The following OTUD7A variants were observed in gnomAD, a reference collection of about 807,000 sequenced individuals.
OTUD7A encodes the protein OTU domain-containing protein 7A.
A neutral mutation model predicts 65.7 loss-of-function variants in OTUD7A; 12 were observed. That is an observed-to-expected ratio of 0.18 (90% CI 0.12 to 0.30). The LOEUF (loss-of-function observed/expected upper bound fraction) is 0.30. Ranked by LOEUF, OTUD7A falls within the 10% of genes least tolerant of loss-of-function variation. OTUD7A has a pLI of 1.00. For synonymous variants in OTUD7A, 641 were observed against 586.3 expected (o/e 1.09, Z -1.35); for missense variants, 1,148 against 1,304.8 (o/e 0.88, Z 1.85).
chr15:31,709,860 T>C (rs998434122), intron 1 of OTUD7A, among the ~76,000 whole-genome samples: 2 of 152,152 alleles, frequency 1.3e-5, no homozygotes, highest in African/African-American at 2.4e-5. Flanking sequence ...CAAGTGTGTG[T>C]GTATCTGGGA....
At chr15:31,829,425 G>C (rs1995445) in intron 1 of OTUD7A, among the ~76,000 whole-genome samples, 88,435 of 152,080 alleles carry the variant, frequency 0.58, 26,174 homozygotes, top group East Asian at 0.69. Context: ...GCCATCTTTC[G>C]TCTTGGTTCC....
At chr15:31,599,875 C>T (rs190661215) in intron 3 of OTUD7A, among the ~76,000 whole-genome samples, 190 of 151,590 alleles carry the variant, frequency 1.3e-3, no homozygotes, top group African/African-American at 4.2e-3. Context: ...GTCGATCAAG[C>T]GGAAGAAAGG....
At chr15:31,492,579 T>A in intron 10 of OTUD7A, among the ~76,000 whole-genome samples, 1 of 83,702 alleles carries the variant, frequency 1.2e-5, no homozygotes. Flanking sequence ...TGAGACTCTG[T>A]CTCAAAAAAA....
chr15:31,835,848 T>A (rs117568377), intron 1 of OTUD7A, among the ~76,000 whole-genome samples: 1 of 151,954 alleles, frequency 6.6e-6, no homozygotes, highest in Non-Finnish European at 1.5e-5. Context: ...GGGTTGAGTA[T>A]CCCTTATCCA....
chr15:31,837,702 A>G (rs1182181409), intron 1 of OTUD7A, among the ~76,000 whole-genome samples: 1 of 152,266 alleles, frequency 6.6e-6, no homozygotes, highest in Non-Finnish European at 1.5e-5. Flanking sequence ...ATGACTCAAC[A>G]TAATAAAGAT....
chr15:31,657,295 T>C (rs1256933847), intron 1 of OTUD7A, among the ~76,000 whole-genome samples: 1 of 152,152 alleles, frequency 6.6e-6, no homozygotes, highest in Admixed American at 6.5e-5. Context: ...TTCCTCGTTT[T>C]AGCAAGCACA....
intron 1 of OTUD7A, among the ~76,000 whole-genome samples, chr15:31,828,158 C>T (rs1331368622): frequency 1.3e-5 from 2 of 152,136 alleles, no homozygotes; most frequent in East Asian, 3.9e-4. Context: ...TCTGAGTCTT[C>T]CTCCTATGCT....
intron 1 of OTUD7A, among the ~76,000 whole-genome samples, chr15:31,848,579 G>A (rs983174560): frequency 2.6e-5 from 4 of 152,226 alleles, no homozygotes; most frequent in East Asian, 1.9e-4. Flanking sequence ...TTTGCCCTCC[G>A]GCCTTCCCAA....
intron 3 of OTUD7A, among the ~76,000 whole-genome samples, chr15:31,595,434 G>T (rs959119989): frequency 1.3e-5 from 2 of 152,160 alleles, no homozygotes; most frequent in Non-Finnish European, 2.9e-5. Context: ...TTTGTACATG[G>T]TAGAATGAAT....
At chr15:31,791,687 T>C (rs900700843) in intron 1 of OTUD7A, among the ~76,000 whole-genome samples, 3 of 152,110 alleles carry the variant, frequency 2.0e-5, no homozygotes, top group Admixed American at 2.0e-4. Flanking sequence ...ATTCATGAAG[T>C]GTATTTTATA....
chr15:31,621,067 T>C (rs1595662757), intron 3 of OTUD7A, among the ~76,000 whole-genome samples: 1 of 150,080 alleles, frequency 6.7e-6, no homozygotes, highest in African/African-American at 2.5e-5. Context: ...TTCCATGTAG[T>C]TGAGCGGTTT....
At position 31,670,110 on chromosome 15, in the gene OTUD7A, G is replaced by T. The variant is rs1892442930; in HGVS notation, c.-99-13033C>A. Reference sequence around the variant, plus strand: ...CTGGAGCTAAAAATTCACGATGCAAGCCTCGGAATGCTGCTGTGTCCATCT... The same window carrying T: ...CTGGAGCTAAAAATTCACGATGCAATCCTCGGAATGCTGCTGTGTCCATCT... On this transcript the variant is annotated intron_variant, in intron 1 of 12. Transcript: ENST00000307050. Among the ~76,000 whole-genome samples the T allele has an allele frequency of 3.4e-5, 5 of 148,276 alleles. No homozygotes were observed. In the South Asian group the frequency reaches 1.1e-3, roughly 32 times the overall value.
chr15:31,735,533 C>CAAAAAAAAAAA (rs71113418), intron 1 of OTUD7A, among the ~76,000 whole-genome samples: 1 of 134,688 alleles, frequency 7.4e-6, no homozygotes, highest in Non-Finnish European at 1.6e-5. Flanking sequence ...AACTCTGTCT[C>CAAAAAAAAAAA]AAAAAAAAAA....
At chr15:31,564,934 C>A (rs1888818041) in intron 4 of OTUD7A, among the ~76,000 whole-genome samples, 1 of 152,086 alleles carries the variant, frequency 6.6e-6, no homozygotes, top group African/African-American at 2.4e-5. Context: ...ACCATTATAT[C>A]AAATGGCTTG....
At chr15:31,768,513 G>C (rs1007309807) in intron 1 of OTUD7A, among the ~76,000 whole-genome samples, 4 of 152,084 alleles carry the variant, frequency 2.6e-5, no homozygotes, top group African/African-American at 9.7e-5. Flanking sequence ...ACAAAAATTA[G>C]CTGGGCATGG....
At chr15:31,867,823 C>T (rs1448713566) in intron 1 of OTUD7A, among the ~76,000 whole-genome samples, 5 of 152,152 alleles carry the variant, frequency 3.3e-5, no homozygotes, top group Non-Finnish European at 7.3e-5. Flanking sequence ...ATTCCAGACT[C>T]CACAACCTCT....
chr15:31,709,931 G>A (rs1016862326), intron 1 of OTUD7A, among the ~76,000 whole-genome samples: 18 of 150,682 alleles, frequency 1.2e-4, no homozygotes, highest in Admixed American at 2.6e-4. Flanking sequence ...TATGGTCTAA[G>A]TCCTTTTGTT....
In OTUD7A at chr15:31,484,355, C is replaced by A. The variant is rs202059339; in HGVS notation, c.1741G>T (p.Glu581Ter). The A allele has an allele frequency of 1.9e-5, 31 of 1,601,312 alleles. No individual in the cohort carries two copies. In the East Asian group the frequency reaches 4.9e-4, roughly 25 times the overall value. Residue 581 changes from glutamate to a stop codon, truncating the protein, a stop_gained, in exon 13 of 13, where the codon GAG (glutamate) becomes TAG (stop). Transcript: ENST00000307050. LOFTEE classifies it low-confidence loss of function (END_TRUNC). This position sits in a 1 kb window ranked among gnomAD's most constrained non-coding sequence, Gnocchi z 4.5. ...GACGTGCTGGCCGACGCACCAGACT[C>A]CTCCTTGCTGCCCTTGCGCGACTTG... ...KAKSRKGSKE[E>*]SGASASTSPS...
At chr15:31,648,057 C>T (rs956804235) in intron 3 of OTUD7A, among the ~76,000 whole-genome samples, 7 of 151,862 alleles carry the variant, frequency 4.6e-5, no homozygotes, top group African/African-American at 9.7e-5. Context: ...GTAATGGGGA[C>T]GGAGTATGAA....
Sources: allele counts gnomAD v4.1 joint callset (sites outside exome capture counted in the v4.1 genomes callset), GRCh38; gene constraint gnomAD v4.1.1; non-coding constraint Gnocchi (gnomAD v3.1); transcripts MANE v1.5; gene names NCBI Gene and HGNC (gene_info 2026-07-23, HGNC 2026-07-21).